Variants in OSBPL8 observed in about 807,000 individuals in gnomAD.
The protein encoded by OSBPL8 is oxysterol binding protein like 8, also known as oxysterol-binding protein-related protein 8.
OSBPL8 carries 59 observed loss-of-function variants against 125.5 expected under a neutral mutation model. That is an observed-to-expected ratio of 0.47 (90% CI 0.38 to 0.58). OSBPL8 has a LOEUF of 0.58. OSBPL8 is among the 20% of genes least tolerant of loss of function. OSBPL8 has a pLI of 0.00. For missense variants in OSBPL8, 758 were observed against 1,047.8 expected (o/e 0.72, Z 3.82); for synonymous variants, 330 against 338.9 (o/e 0.97, Z 0.29).
At position 76,447,344 on chromosome 12, in the gene OSBPL8, T is replaced by C. The variant is rs1481648900; in HGVS notation, c.217+3507A>G. 3.9e-5 allele frequency among the ~76,000 whole-genome samples: 6 copies of C among 152,346 alleles called. No homozygotes were observed. The East Asian group carries it at 1.2e-3, about 29-fold the overall frequency. On this transcript the variant is annotated intron_variant, in intron 4 of 23. Transcript: ENST00000261183. ...CAATCAGATATTAAGTGAATTCTTATGTGATGCAGCATGAAGTACTACACA... is the reference window on the plus strand; with the variant it reads ...CAATCAGATATTAAGTGAATTCTTACGTGATGCAGCATGAAGTACTACACA...
chr12:76,401,094 T>G (rs1412101729), intron 6 of OSBPL8, among the ~76,000 whole-genome samples: 3 of 152,174 alleles, frequency 2.0e-5, no homozygotes, highest in Non-Finnish European at 4.4e-5. Flanking sequence ...ATTTTACCTC[T>G]TTTTAATTAC....
chr12:76,421,576 T>C (rs1869490265), intron 4 of OSBPL8, among the ~76,000 whole-genome samples: 1 of 152,014 alleles, frequency 6.6e-6, no homozygotes, highest in South Asian at 2.1e-4. Context: ...AAGCCAAGAA[T>C]AAAGGTTATT....
chr12:76,382,290 G>T (rs1283238336), intron 15 of OSBPL8, among the ~76,000 whole-genome samples: 1 of 151,942 alleles, frequency 6.6e-6, no homozygotes, highest in Non-Finnish European at 1.5e-5. Flanking sequence ...ATTTTTTAAA[G>T]AATTTCATTT....
At chr12:76,459,655 A>G (rs1342428164) in intron 3 of OSBPL8, among the ~76,000 whole-genome samples, 1 of 152,212 alleles carries the variant, frequency 6.6e-6, no homozygotes, top group African/African-American at 2.4e-5. Context: ...AACACTGCCT[A>G]TGAATCTCAG....
intron 16 of OSBPL8, among the ~76,000 whole-genome samples, chr12:76,376,362 T>C (rs1952819261): frequency 6.6e-6 from 1 of 152,210 alleles, no homozygotes; most frequent in African/African-American, 2.4e-5. Context: ...GAACAGACTA[T>C]GCAATGTTTC....
intron 13 of OSBPL8, 119 bp from the exon 14 acceptor site, chr12:76,386,385 G>A (rs1953315058): frequency 1.5e-6 from 2 of 1,367,330 alleles, no homozygotes; most frequent in Non-Finnish European, 1.9e-6. Context: ...AAATTTCAAA[G>A]TAAATAAAAT....
intron 2 of OSBPL8, among the ~76,000 whole-genome samples, chr12:76,478,666 C>T (rs1217171615): frequency 2.0e-5 from 3 of 152,034 alleles, no homozygotes; most frequent in East Asian, 1.9e-4. Context: ...TAATGAGATG[C>T]AATCTTTAGT....
chr12:76,537,667 G>A (rs1950536323), intron 1 of OSBPL8, among the ~76,000 whole-genome samples: 1 of 152,156 alleles, frequency 6.6e-6, no homozygotes, highest in Admixed American at 6.5e-5. Context: ...CCAACACTTT[G>A]GGAGGCTGAG....
At chr12:76,535,339 A>C (rs1950463251) in intron 1 of OSBPL8, among the ~76,000 whole-genome samples, 1 of 152,196 alleles carries the variant, frequency 6.6e-6, no homozygotes, top group Non-Finnish European at 1.5e-5. Flanking sequence ...CAAATGGCTA[A>C]TAAATCCAAG....
intron 2 of OSBPL8, among the ~76,000 whole-genome samples, chr12:76,476,970 C>A (rs1319511794): frequency 6.6e-6 from 1 of 152,020 alleles, no homozygotes; most frequent in Non-Finnish European, 1.5e-5. Context: ...GAAACAAAGT[C>A]AAAAAACTGC....
At chr12:76,508,547 C>T (rs948048558) in intron 1 of OSBPL8, among the ~76,000 whole-genome samples, 2 of 152,024 alleles carry the variant, frequency 1.3e-5, no homozygotes, top group Non-Finnish European at 1.5e-5. Context: ...GGAGGTGAGG[C>T]GTTCTAAGTC....
At chr12:76,544,692 G>T (rs1052726989) in intron 1 of OSBPL8, among the ~76,000 whole-genome samples, 1 of 152,024 alleles carries the variant, frequency 6.6e-6, no homozygotes, top group Non-Finnish European at 1.5e-5. Flanking sequence ...AATAAGATCC[G>T]ATGGTCTAAT....
chr12:76,368,911 T>G (rs893104615), intron 21 of OSBPL8, among the ~76,000 whole-genome samples: 1 of 152,126 alleles, frequency 6.6e-6, no homozygotes, highest in Non-Finnish European at 1.5e-5. Flanking sequence ...AGACTGCTAC[T>G]GCACTGGGAT....
intron 4 of OSBPL8, among the ~76,000 whole-genome samples, chr12:76,446,715 G>A (rs1329659915): frequency 6.6e-6 from 1 of 152,078 alleles, no homozygotes; most frequent in Non-Finnish European, 1.5e-5. Flanking sequence ...CAGCGATCAT[G>A]TGTGGTTATC....
Position 76,356,215 on chromosome 12 carries a change from G to A in OSBPL8, c.2538-194C>T, listed in dbSNP as rs574227300. Among the ~76,000 whole-genome samples the A allele has an allele frequency of 2.0e-3, 297 of 152,064 alleles. 1 individual carries two copies. Among genetic ancestry groups the A allele is most frequent in the African/African-American group, 6.8e-3 (282 of 41,474 alleles). On this transcript the variant is annotated intron_variant, in intron 23 of 23. Transcript: ENST00000261183. Reference sequence around the variant, plus strand: ...AGAGGAATACTTAAGGGCTCAGGGAGTAAATATTTACCCAATGTTATGGAT... The same window carrying A: ...AGAGGAATACTTAAGGGCTCAGGGAATAAATATTTACCCAATGTTATGGAT...
At chr12:76,530,220 C>CTTTTT (rs59016280) in intron 1 of OSBPL8, among the ~76,000 whole-genome samples, 2 of 107,210 alleles carry the variant, frequency 1.9e-5, no homozygotes, top group African/African-American at 3.9e-5. Flanking sequence ...CCGGGCCTGG[C>CTTTTT]TTTTTTTTTT....
At chr12:76,467,020 C>G (rs748334959) in intron 2 of OSBPL8, among the ~76,000 whole-genome samples, 1 of 152,124 alleles carries the variant, frequency 6.6e-6, no homozygotes, top group East Asian at 1.9e-4. Flanking sequence ...AGTTAATTTG[C>G]CAACCTGTGG....
At position 76,422,504 on chromosome 12, in the gene OSBPL8, C is replaced by T. The variant is rs753702344; in HGVS notation, c.218-11870G>A. On this transcript the variant is annotated intron_variant, in intron 4 of 23. Transcript: ENST00000261183. The stretch of plus-strand genomic sequence containing the variant: ...GAAATTAGGAATGCAAGATTAAACA[C>T]ACAAACCTGGCAATGAAGGAGAAAG... 6.6e-6 allele frequency: 3 copies of T among 456,126 alleles called. 1 individual carries two copies. The highest frequency in any genetic ancestry group is 3.1e-5 in the South Asian group (2 of 64,476). The allele number at this position is 456,126 out of a possible 1,614,324, so 28.3% of individuals were successfully genotyped here.
At chr12:76,400,298 C>T (rs1953995700) in intron 6 of OSBPL8, among the ~76,000 whole-genome samples, 1 of 152,140 alleles carries the variant, frequency 6.6e-6, no homozygotes, top group African/African-American at 2.4e-5. Flanking sequence ...AGGATAATGC[C>T]CTCCAGCTCC....
Sources: allele counts gnomAD v4.1 joint callset (sites outside exome capture counted in the v4.1 genomes callset), GRCh38; gene constraint gnomAD v4.1.1; transcripts MANE v1.5; gene names NCBI Gene and HGNC (gene_info 2026-07-23, HGNC 2026-07-21).